Variants in USP50 observed in about 807,000 individuals in gnomAD.
USP50 encodes the protein ubiquitin carboxyl-terminal hydrolase 50.
A neutral mutation model predicts 39.2 loss-of-function variants in USP50; 37 were observed. The ratio of observed to expected loss-of-function variants is 0.94; its 90% CI spans 0.73 to 1.24. USP50 has a LOEUF of 1.24. Ranked by LOEUF, USP50 falls within the 50% of genes most tolerant of loss-of-function variation. The probability of loss-of-function intolerance (pLI) is 0.00; values close to 1 mark genes in which losing one functional copy is unlikely to be tolerated. For synonymous variants in USP50, 139 were observed against 144.5 expected, an observed-to-expected ratio of 0.96 and a Z score of 0.27; for missense variants, 374 against 398.2, an observed-to-expected ratio of 0.94 and a Z score of 0.52.
At chr15:50,522,733 CCTCCTGGATTCAAGTGATT>C (rs1374715520) in intron 6 of USP50, among the ~76,000 whole-genome samples, 1 of 152,058 alleles carries the variant, frequency 6.6e-6, no homozygotes, top group East Asian at 1.9e-4. Context: ...CAGACCTCCA[CCTCCTGGATTCAAGTGATT>C]CTCCTGCCTC....
intron 3 of USP50, among the ~76,000 whole-genome samples, chr15:50,541,727 C>T (rs142575372): frequency 3.3e-5 from 5 of 151,906 alleles, no homozygotes; most frequent in South Asian, 2.1e-4. Context: ...AAACATATAC[C>T]CATGGCCCCA....
intron 6 of USP50, among the ~76,000 whole-genome samples, chr15:50,525,526 G>GTA (rs2052882188): frequency 1.1e-5 from 1 of 91,658 alleles, no homozygotes; most frequent in Admixed American, 1.3e-4. Flanking sequence ...ATGTATATAT[G>GTA]TATATGTATA....
chr15:50,495,482 T>TG (rs1555392675), intron 1 of USP50, among the ~76,000 whole-genome samples: 3,643 of 104,314 alleles, frequency 0.035, 69 homozygotes, highest in Middle Eastern at 0.075. Flanking sequence ...TTAGTAGAGA[T>TG]TGGAGGGGGG....
At chr15:50,516,994 A>G (rs2052808948) in intron 6 of USP50, among the ~76,000 whole-genome samples, 1 of 152,198 alleles carries the variant, frequency 6.6e-6, no homozygotes, top group Non-Finnish European at 1.5e-5. Flanking sequence ...CCCACTTGCA[A>G]CAATGAACAC....
chr15:50,504,514 C>T (rs143845186), intron 6 of USP50: 1 of 152,294 alleles, frequency 6.6e-6, no homozygotes, highest in East Asian at 1.9e-4. Context: ...CAGAATGAGA[C>T]CTTGTCTCAA....
chr15:50,542,462 GTT>G (rs889254066), intron 3 of USP50, among the ~76,000 whole-genome samples: 1 of 107,944 alleles, frequency 9.3e-6, no homozygotes, highest in Non-Finnish European at 2.1e-5. Flanking sequence ...ATATGTTTTT[GTT>G]TTTTTTTTTC....
intron 5 of USP50, among the ~76,000 whole-genome samples, chr15:50,537,021 C>G (rs1176932613): frequency 6.6e-6 from 1 of 152,064 alleles, no homozygotes; most frequent in East Asian, 1.9e-4. Context: ...ATTGGACTGA[C>G]ATTACCAAAC....
downstream of USP50, chr15:50,499,012 C>G (rs1485630012): frequency 6.2e-7 from 1 of 1,613,808 alleles, no homozygotes; most frequent in Non-Finnish European, 8.5e-7. Context: ...ATCTCCGTTT[C>G]TTCTGTGAAA....
chr15:50,530,885 C>T (rs2052935334), intron 5 of USP50, among the ~76,000 whole-genome samples: 1 of 152,048 alleles, frequency 6.6e-6, no homozygotes, highest in Non-Finnish European at 1.5e-5. Flanking sequence ...TTTTCCTTAT[C>T]TTGTTTTCAG....
chr15:50,495,806 C>G, downstream of USP50: 1 of 1,459,422 alleles, frequency 6.9e-7, no homozygotes, highest in Non-Finnish European at 9.4e-7. Context: ...TAAATGTTTT[C>G]TTTGAGATAT....
chr15:50,533,795 G>A (rs889215205), intron 5 of USP50, among the ~76,000 whole-genome samples: 5 of 152,178 alleles, frequency 3.3e-5, no homozygotes, highest in African/African-American at 1.2e-4. Flanking sequence ...GAGGTCAGGA[G>A]TTCAAAACCA....
chr15:50,531,722 G>A (rs2141372319), intron 5 of USP50, among the ~76,000 whole-genome samples: 1 of 152,274 alleles, frequency 6.6e-6, no homozygotes, highest in Middle Eastern at 3.4e-3. Context: ...CTGACTTGAA[G>A]GGGCTCCCAC....
intron 6 of USP50, chr15:50,506,828 G>C (rs1439154366): frequency 6.6e-6 from 1 of 151,854 alleles, no homozygotes; most frequent in East Asian, 1.9e-4. Flanking sequence ...CATGGTGGCA[G>C]GCGCCTATAG....
intron 5 of USP50, chr15:50,532,229 T>C (rs1277522266): frequency 4.4e-6 from 2 of 456,166 alleles, no homozygotes; most frequent in Admixed American, 2.3e-5. Context: ...CTCATGCTTC[T>C]GGCAAGAAGA....
At chr15:50,532,433 GC>G (rs2052948331) in intron 5 of USP50, among the ~76,000 whole-genome samples, 1 of 152,090 alleles carries the variant, frequency 6.6e-6, no homozygotes, top group Non-Finnish European at 1.5e-5. Context: ...GGACTGAGCA[GC>G]GCTTGTGAAG....
downstream of USP50, chr15:50,497,214 T>G (rs757767128): frequency 5.6e-6 from 9 of 1,608,728 alleles, no homozygotes; most frequent in Admixed American, 1.0e-4. Context: ...CACCTGTGCT[T>G]TTAGTGCATC....
chr15:50,494,754 C>G (rs1278098220), intron 1 of USP50, among the ~76,000 whole-genome samples: 1 of 152,176 alleles, frequency 6.6e-6, no homozygotes, highest in Non-Finnish European at 1.5e-5. Flanking sequence ...GTGGCTTATG[C>G]CTGTAATCCC....
chr15:50,535,745 C>T (rs2052974736), intron 5 of USP50, among the ~76,000 whole-genome samples: 1 of 152,136 alleles, frequency 6.6e-6, no homozygotes, highest in Admixed American at 6.5e-5. Flanking sequence ...GAGACATCAA[C>T]TCTACAAAAA....
rs752919389 is a variant in USP50 at position 50,541,041 on chromosome 15, A to T, written c.660+8T>A. 11 of 1,609,522 alleles carry T rather than the reference A, an allele frequency of 6.8e-6. No individual in the cohort carries two copies. The highest frequency in any genetic ancestry group is 7.7e-6 in the Non-Finnish European group (9 of 1,176,066). On this transcript the variant is annotated splice_region_variant and intron_variant, in intron 4 of 6. Transcript: ENST00000532404. The stretch of plus-strand genomic sequence containing the variant: ...GAGACAAAGTGTCCAGGAATACTGC[A>T]TTCCTACCCGAAGGGAGCATTCATA...
Sources: allele counts gnomAD v4.1 joint callset (sites outside exome capture counted in the v4.1 genomes callset), GRCh38; gene constraint gnomAD v4.1.1; transcripts MANE v1.5; gene names NCBI Gene and HGNC (gene_info 2026-07-23, HGNC 2026-07-21).